CSNK2A2IP: variants seen among roughly 807,000 people sequenced by gnomAD.
CSNK2A2IP encodes casein kinase II subunit alpha'-interacting protein.
the CSNK2A2IP span, among the ~76,000 whole-genome samples, chr3:88,402,523 C>G: frequency 2.6e-5 from 4 of 151,854 alleles, no homozygotes; most frequent in Admixed American, 2.0e-4. Flanking sequence ...ATGTCTATTA[C>G]TAAAATTGGA....
At chr3:88,457,349 G>C in the CSNK2A2IP span, among the ~76,000 whole-genome samples, 17 of 151,872 alleles carry the variant, frequency 1.1e-4, no homozygotes, top group African/African-American at 3.6e-4. Flanking sequence ...GCTAAAATTT[G>C]GCTTACCTTT....
the CSNK2A2IP span, among the ~76,000 whole-genome samples, chr3:88,414,837 T>C: frequency 1.2e-4 from 18 of 152,014 alleles, no homozygotes; most frequent in African/African-American, 4.1e-4. Flanking sequence ...GACTGTACAG[T>C]ATGTTAGTTA....
the CSNK2A2IP span, among the ~76,000 whole-genome samples, chr3:88,383,136 T>C: frequency 6.6e-6 from 1 of 152,166 alleles, no homozygotes; most frequent in South Asian, 2.1e-4. Flanking sequence ...TCTTCTCTTT[T>C]GGAGGTCCTG....
the CSNK2A2IP span, among the ~76,000 whole-genome samples, chr3:88,392,296 G>A: frequency 1.3e-5 from 2 of 152,170 alleles, no homozygotes; most frequent in Non-Finnish European, 1.5e-5. Context: ...GAATTCAGGA[G>A]AGAATTCAGG....
the CSNK2A2IP span, among the ~76,000 whole-genome samples, chr3:88,378,510 C>T: frequency 6.6e-6 from 1 of 151,890 alleles, no homozygotes; most frequent in African/African-American, 2.4e-5. Flanking sequence ...GGTTATTGAG[C>T]ACTTGAAATC....
At chr3:88,427,813 G>A in the CSNK2A2IP span, among the ~76,000 whole-genome samples, 1 of 152,278 alleles carries the variant, frequency 6.6e-6, no homozygotes, top group South Asian at 2.1e-4. Flanking sequence ...TGCAGGGGTG[G>A]AGCTCTCATG....
the CSNK2A2IP span, among the ~76,000 whole-genome samples, chr3:88,432,314 A>G: frequency 6.6e-6 from 1 of 152,038 alleles, no homozygotes; most frequent in South Asian, 2.1e-4. Context: ...ATATCAATTG[A>G]TATCTATTTT....
At chr3:88,395,727 C>G in the CSNK2A2IP span, among the ~76,000 whole-genome samples, 2 of 152,126 alleles carry the variant, frequency 1.3e-5, no homozygotes, top group African/African-American at 4.8e-5. Flanking sequence ...ACTGAGTCTA[C>G]CAATAAACTG....
chr3:88,380,026 A>G, the CSNK2A2IP span, among the ~76,000 whole-genome samples: 2 of 152,142 alleles, frequency 1.3e-5, no homozygotes, highest in African/African-American at 2.4e-5. Flanking sequence ...AAAACATTTA[A>G]GTAAAACTAA....
chr3:88,347,226 A>G, the CSNK2A2IP span, among the ~76,000 whole-genome samples: 4 of 152,062 alleles, frequency 2.6e-5, no homozygotes, highest in African/African-American at 7.2e-5. Context: ...TGCTAGGAAC[A>G]TGGCTGAAAG....
At chr3:88,461,413 C>T in the CSNK2A2IP span, among the ~76,000 whole-genome samples, 1 of 151,786 alleles carries the variant, frequency 6.6e-6, no homozygotes, top group Non-Finnish European at 1.5e-5. Context: ...ATTAGCCGGG[C>T]GTGGTGGTGG....
the CSNK2A2IP span, among the ~76,000 whole-genome samples, chr3:88,340,627 C>T: frequency 6.6e-6 from 1 of 151,870 alleles, no homozygotes; most frequent in Non-Finnish European, 1.5e-5. Context: ...AACTTAAGTG[C>T]CAATCACTAG....
At chr3:88,338,725 G>T in the CSNK2A2IP span, 3 of 152,090 alleles carry the variant, frequency 2.0e-5, no homozygotes, top group Non-Finnish European at 4.4e-5. Context: ...GTGTGCATAT[G>T]TATGTATGAG....
At chr3:88,360,048 G>T in the CSNK2A2IP span, among the ~76,000 whole-genome samples, 1 of 151,930 alleles carries the variant, frequency 6.6e-6, no homozygotes, top group Admixed American at 6.6e-5. Flanking sequence ...TCAGTGTTGG[G>T]TGTATATATA....
the CSNK2A2IP span, among the ~76,000 whole-genome samples, chr3:88,349,105 C>A: frequency 5.3e-5 from 8 of 151,974 alleles, no homozygotes; most frequent in Non-Finnish European, 1.0e-4. Flanking sequence ...CAGTTCATTG[C>A]CAATCTAATA....
chr3:88,429,742 T>TTTG, the CSNK2A2IP span, among the ~76,000 whole-genome samples: 1 of 151,884 alleles, frequency 6.6e-6, no homozygotes, highest in Admixed American at 6.6e-5. Context: ...GAGCATTTTT[T>TTTG]TTGTTGTTGT....
the CSNK2A2IP span, among the ~76,000 whole-genome samples, chr3:88,435,870 T>G: frequency 6.6e-6 from 1 of 151,152 alleles, no homozygotes; most frequent in Non-Finnish European, 1.5e-5. Flanking sequence ...GAGATAAATT[T>G]TAATGTGCAT....
At chr3:88,367,773 G>A in the CSNK2A2IP span, among the ~76,000 whole-genome samples, 1 of 151,950 alleles carries the variant, frequency 6.6e-6, no homozygotes, top group Non-Finnish European at 1.5e-5. Context: ...TTGTTCTTTG[G>A]GCATATGAAC....
the CSNK2A2IP span, among the ~76,000 whole-genome samples, chr3:88,450,915 T>G: frequency 6.6e-6 from 1 of 152,140 alleles, no homozygotes. Context: ...TTAATTTCTT[T>G]AGAAATCTCC....
Sources: allele counts gnomAD v4.1 joint callset (sites outside exome capture counted in the v4.1 genomes callset), GRCh38; gene constraint gnomAD v4.1.1; transcripts MANE v1.5; gene names NCBI Gene and HGNC (gene_info 2026-07-23, HGNC 2026-07-21).